The following CUZD1 variants were observed in gnomAD, a reference collection of about 807,000 sequenced individuals.
The protein encoded by CUZD1 is CUB and zona pellucida-like domain-containing protein 1.
CUZD1 carries 42 observed loss-of-function variants against 53.1 expected under a neutral mutation model. The observed-to-expected ratio is 0.79, with a 90% CI of 0.62 to 1.02. The LOEUF is 1.02. Among genes scored for constraint, CUZD1 ranks in the 50% least tolerant of loss-of-function variants. CUZD1 has a pLI of 0.00. For missense variants in CUZD1, 670 were observed against 715.7 expected (o/e 0.94, Z 0.73); for synonymous variants, 238 against 257.2 (o/e 0.93, Z 0.71).
chr10:122,834,044 T>G (rs1018552703), intron 7 of CUZD1, 104 bp from the exon 8 acceptor site: 10 of 970,464 alleles, frequency 1.0e-5, no homozygotes, highest in Non-Finnish European at 1.5e-5. Context: ...AAAATCTCTC[T>G]CAAAAGACTG....
chr10:122,845,297 G>A (rs1040483083), intron 1 of CUZD1, among the ~76,000 whole-genome samples: 8 of 151,992 alleles, frequency 5.3e-5, no homozygotes, highest in Non-Finnish European at 7.4e-5. Context: ...GGCTGGTCTC[G>A]AACTCCTGAC....
chr10:122,838,560 A>G (rs1847287907), intron 3 of CUZD1, among the ~76,000 whole-genome samples: 1 of 152,174 alleles, frequency 6.6e-6, no homozygotes, highest in East Asian at 1.9e-4. Context: ...GGGACTTGTT[A>G]AACAGGAAGG....
chr10:122,840,423 G>C (rs1266255224), intron 2 of CUZD1, among the ~76,000 whole-genome samples: 1 of 149,222 alleles, frequency 6.7e-6, no homozygotes, highest in Non-Finnish European at 1.5e-5. Context: ...GGCGTAAGAG[G>C]GGGGCTCTGG....
chr10:122,842,201 C>T (rs1435146099), intron 1 of CUZD1, among the ~76,000 whole-genome samples: 2 of 152,096 alleles, frequency 1.3e-5, no homozygotes, highest in Non-Finnish European at 2.9e-5. Context: ...TGCTCAACCC[C>T]AGGTTACAAA....
chr10:122,832,358 C>T lies in CUZD1; in HGVS notation c.1744G>A (p.Val582Met), dbSNP rs199652779. 4 of 1,613,996 alleles carry T rather than the reference C, an allele frequency of 2.5e-6. No individual in the cohort carries two copies. In the African/African-American group the frequency reaches 5.3e-5, roughly 22 times the overall value. ...FSFMVLALNV[V>M]TVATITVRHF... ...CTCACTGTGATTGTCGCTACAGTCA[C>T]CACATTCAGAGCTAGAACCATGAAG... Residue 582 changes from valine (V) to methionine (M), a missense_variant, in exon 9 of 9, where the codon GTG (valine) becomes ATG (methionine). Val to Met is a conservative substitution (Grantham distance 21). Coordinates refer to ENST00000392790, the MANE Select transcript of CUZD1 (RefSeq NM_022034.6).
chr10:122,834,684 C>T (rs2133812318), intron 7 of CUZD1, 22 bp downstream of exon 7: 2 of 1,532,306 alleles, frequency 1.3e-6, no homozygotes, highest in East Asian at 4.6e-5. Context: ...ATCATACATA[C>T]ATCAGTTACA....
chr10:122,844,246 G>A (rs2133819323), intron 1 of CUZD1, among the ~76,000 whole-genome samples: 1 of 151,934 alleles, frequency 6.6e-6, no homozygotes, highest in African/African-American at 2.4e-5. Context: ...ACGTCGTTCA[G>A]GGTGGTCTCA....
Position 122,832,435 on chromosome 10 carries a change from G to A in CUZD1, c.1667C>T (p.Thr556Ile). The A allele has an allele frequency of 6.2e-7, 1 of 1,613,098 alleles. No individual in the cohort carries two copies. The highest frequency in any genetic ancestry group is 1.1e-5 in the South Asian group (1 of 90,916). ...ASGNSGFQHE[T>I]HAEETPNQPF... ...CTGGTTTGGAGTTTCTTCCGCATGT[G>A]TTTCATGCTGAAATCCTAAAATTGG... The change falls in exon 9 of 9, where the codon ACA becomes ATA. Residue 556 changes from threonine (T) to isoleucine (I), a missense_variant. Transcript: ENST00000392790.
chr10:122,835,092 T>G lies in CUZD1; in HGVS notation c.996A>C (p.Glu332Asp). 5 of 1,558,152 alleles carry G rather than the reference T, an allele frequency of 3.2e-6. No individual in the cohort carries two copies. The highest frequency in any genetic ancestry group is 4.3e-6 in the Non-Finnish European group (5 of 1,152,450). The change falls in exon 7 of 9, where the codon GAA (glutamate) becomes GAC (aspartate). Residue 332 changes from glutamate to aspartate, a missense_variant. By Grantham distance (45) the Glu-to-Asp change is conservative. Coordinates refer to ENST00000392790, the MANE Select transcript of CUZD1 (RefSeq NM_022034.6). ...LNGCGTIRKV[E>D]DQSITYTNII... is the part of the protein sequence containing the mutation. ...TATTGGTGTAAGTAATTGACTGATCTTCTACCTGCAGAACGAGATAGAATT... is the reference window on the plus strand; with the variant it reads ...TATTGGTGTAAGTAATTGACTGATCGTCTACCTGCAGAACGAGATAGAATT...
chr10:122,833,268 CT>C (rs976617036), intron 8 of CUZD1, among the ~76,000 whole-genome samples: 4 of 151,768 alleles, frequency 2.6e-5, no homozygotes, highest in Non-Finnish European at 5.9e-5. Context: ...TTTTTAATAA[CT>C]TTTTTTCAAA....
intron 8 of CUZD1, 79 bp downstream of exon 8, chr10:122,833,593 T>C: frequency 7.0e-7 from 1 of 1,425,284 alleles, no homozygotes; most frequent in South Asian, 1.3e-5. Flanking sequence ...AAACTGTACA[T>C]GCTTAAGAGT....
At chr10:122,842,219 C>T (rs1030968137) in intron 1 of CUZD1, among the ~76,000 whole-genome samples, 2 of 152,084 alleles carry the variant, frequency 1.3e-5, no homozygotes, top group African/African-American at 4.8e-5. Flanking sequence ...AAAGATTTCT[C>T]CCATGTTTTC....
Position 122,836,921 on chromosome 10 carries a change from G to C in CUZD1, c.727C>G (p.Leu243Val). The change falls in exon 5 of 9, where the codon CTG (leucine) becomes GTG (valine). Residue 243 changes from leucine (L) to valine (V), a missense_variant. By Grantham distance (32) the Leu-to-Val change is conservative. Coordinates refer to ENST00000392790, the MANE Select transcript of CUZD1 (RefSeq NM_022034.6). ...TPTFESSSNSLTVVLSTDYAN... is the reference protein window; with the variant it reads ...TPTFESSSNSVTVVLSTDYAN... Reference sequence around the variant, plus strand: ...TAATCTGTAGACAACACGACAGTCAGAGAGTTTGATGACGATTCGAAGGTG... The same window carrying C: ...TAATCTGTAGACAACACGACAGTCACAGAGTTTGATGACGATTCGAAGGTG... 2 of 1,614,134 alleles carry C rather than the reference G, an allele frequency of 1.2e-6. No homozygotes were observed. The highest frequency in any genetic ancestry group is 1.7e-6 in the Non-Finnish European group (2 of 1,179,996).
intron 1 of CUZD1, among the ~76,000 whole-genome samples, chr10:122,843,274 C>G (rs1847372408): frequency 6.6e-6 from 1 of 152,158 alleles, no homozygotes; most frequent in South Asian, 2.1e-4. Flanking sequence ...AAATGAGGTA[C>G]AGTCATCCCT....
At chr10:122,845,706 C>A in intron 1 of CUZD1, 56 bp downstream of exon 1, 1 of 1,516,682 alleles carries the variant, frequency 6.6e-7, no homozygotes, top group Middle Eastern at 1.7e-4. Context: ...TGAAAGAGGC[C>A]TCTTAAGAGA....
At chr10:122,834,671 A>G (rs758327968) in intron 7 of CUZD1, 35 bp downstream of exon 7, 17 of 1,478,952 alleles carry the variant, frequency 1.1e-5, no homozygotes, top group Admixed American at 4.7e-5. Flanking sequence ...CACAGGAAGG[A>G]ATATCATACA....
At chr10:122,840,602 G>A (rs750539356) in intron 2 of CUZD1, among the ~76,000 whole-genome samples, 20 of 152,132 alleles carry the variant, frequency 1.3e-4, no homozygotes, top group Admixed American at 3.3e-4. Flanking sequence ...GAGCGTCTCT[G>A]CAGGGCGGAG....
At position 122,839,213 on chromosome 10, in the gene CUZD1, G is replaced by A. The variant is rs1163321882; in HGVS notation, c.252C>T (p.Ser84=). Residue 84 remains serine, a synonymous_variant, in exon 3 of 9, where the codon AGC becomes AGT. Coordinates refer to ENST00000392790, the MANE Select transcript of CUZD1 (RefSeq NM_022034.6). ...AGACTTTAATGTTTTCACTTTCACA[G>A]CTTCCATCTGGATCAAGCCTGTGGA... The part of the protein sequence containing the change: ...FSYVQLDPDG[S]CESENIKVFD... The A allele has an allele frequency of 6.2e-7, 1 of 1,613,946 alleles. No individual in the cohort carries two copies. The highest frequency in any genetic ancestry group is 8.5e-7 in the Non-Finnish European group (1 of 1,179,846).
At chr10:122,841,035 C>T in intron 2 of CUZD1, 143 bp downstream of exon 2, 1 of 768,232 alleles carries the variant, frequency 1.3e-6, no homozygotes. Context: ...CCATCATCCT[C>T]ATCACCATCA....
Sources: allele counts gnomAD v4.1 joint callset (sites outside exome capture counted in the v4.1 genomes callset), GRCh38; gene constraint gnomAD v4.1.1; transcripts MANE v1.5; gene names NCBI Gene and HGNC (gene_info 2026-07-23, HGNC 2026-07-21).